PRDM16: variants seen among roughly 807,000 people sequenced by gnomAD.
The protein encoded by PRDM16 is histone-lysine N-methyltransferase PRDM16.
A neutral mutation model predicts 110.6 loss-of-function variants in PRDM16; 23 were observed. The observed-to-expected ratio is 0.21, with a 90% CI of 0.15 to 0.29. The LOEUF is 0.29. Among genes scored for constraint, PRDM16 ranks in the 10% least tolerant of loss-of-function variants. The pLI is 1.00. For missense variants in PRDM16, 1,615 were observed against 1,794.3 expected (o/e 0.90, Z 1.81); for synonymous variants, 799 against 781.8 (o/e 1.02, Z -0.37).
At chr1:3,356,441 G>C (rs138001429) in intron 3 of PRDM16, among the ~76,000 whole-genome samples, 7 of 152,228 alleles carry the variant, frequency 4.6e-5, no homozygotes, top group Admixed American at 6.5e-5. Flanking sequence ...AGACGGGAGT[G>C]GGGGAGGCAA....
intron 2 of PRDM16, among the ~76,000 whole-genome samples, chr1:3,204,025 C>A (rs1372714504): frequency 6.6e-6 from 1 of 152,148 alleles, no homozygotes; most frequent in Non-Finnish European, 1.5e-5. Context: ...GGGACCACAC[C>A]GGGATTAGGA....
At chr1:3,229,798 G>A (rs1386587344) in intron 2 of PRDM16, among the ~76,000 whole-genome samples, 1 of 152,200 alleles carries the variant, frequency 6.6e-6, no homozygotes, top group Non-Finnish European at 1.5e-5. Context: ...CAGCAGGCAG[G>A]AGCAGCCCCC....
chr1:3,429,105 G>A (rs1313543707), intron 14 of PRDM16, among the ~76,000 whole-genome samples: 1 of 151,952 alleles, frequency 6.6e-6, no homozygotes, highest in Non-Finnish European at 1.5e-5. Flanking sequence ...AGCGGGAGCT[G>A]GAGAGAGACC....
At chr1:3,158,222 A>T (rs912025502) in intron 1 of PRDM16, among the ~76,000 whole-genome samples, 1 of 152,122 alleles carries the variant, frequency 6.6e-6, no homozygotes, top group African/African-American at 2.4e-5. Flanking sequence ...CACGCTCTCC[A>T]TCAACAGACC....
rs1437325700 is a variant in PRDM16, at chr1:3,390,363, C to T, written c.573+5077C>T. Among the ~76,000 whole-genome samples, 2 of 152,142 alleles carry T rather than the reference C, an allele frequency of 1.3e-5. No individual in the cohort carries two copies. The highest frequency in any genetic ancestry group is 2.9e-5 in the Non-Finnish European group (2 of 68,022). On this transcript the variant is annotated intron_variant, in intron 4 of 16. Coordinates refer to ENST00000270722, the MANE Select transcript of PRDM16 (RefSeq NM_022114.4). This position sits in a 1 kb window ranked among gnomAD's most constrained non-coding sequence, Gnocchi z 5.0. The stretch of plus-strand genomic sequence containing the variant: ...GGGGTGCGGGCCCCCCAGCGTACCA[C>T]GGAACGGCTGTAGGGCTCTCAAACG...
rs1317896691 is a variant in PRDM16 at position 3,391,648 on chromosome 1, TTAA to T, written c.574-4839_574-4837del. Reference sequence around the variant, plus strand: ...CACCACACAATAATAAAACTTAGGCTTAATAAAAATGCTTCAGCTATGTGCAGG... The same window carrying T: ...CACCACACAATAATAAAACTTAGGCTTAAAAATGCTTCAGCTATGTGCAGG... On this transcript the variant is annotated intron_variant, in intron 4 of 16. Transcript: ENST00000270722. 2.0e-5 allele frequency among the ~76,000 whole-genome samples: 3 copies of T among 152,338 alleles called. No homozygotes were observed. In the East Asian group the frequency reaches 5.8e-4, roughly 29 times the overall value.
rs1414341965 is a variant in PRDM16, at chr1:3,250,051, T to A, written c.438+5914T>A. Among the ~76,000 whole-genome samples, 3 of 152,106 alleles carry A rather than the reference T, an allele frequency of 2.0e-5. No homozygotes were observed. In the East Asian group the frequency reaches 5.8e-4, roughly 29 times the overall value. ...CCAAGGCAGCGCTGGGCCGTGGCCCTGGGGACCCTCATCCGCCCCTGGGGA... is the reference window on the plus strand; with the variant it reads ...CCAAGGCAGCGCTGGGCCGTGGCCCAGGGGACCCTCATCCGCCCCTGGGGA... On this transcript the variant is annotated intron_variant, in intron 3 of 16. Transcript: ENST00000270722.
In PRDM16 at chr1:3,345,267, G is replaced by GT. The variant is rs1013675416; in HGVS notation, c.439-39877dup. Among the ~76,000 whole-genome samples the GT allele has an allele frequency of 5.3e-5, 8 of 152,052 alleles. No individual in the cohort carries two copies. The East Asian group carries it at 9.6e-4, about 18-fold the overall frequency. ...TTTTGTTATTCTCTAGTGCTATCAAGTTTTTTTTGTTTTAAATTATTTTTT... is the reference window on the plus strand; with the variant it reads ...TTTTGTTATTCTCTAGTGCTATCAAGTTTTTTTTTGTTTTAAATTATTTTTT... On this transcript the variant is annotated intron_variant, in intron 3 of 16. Coordinates refer to ENST00000270722, the MANE Select transcript of PRDM16 (RefSeq NM_022114.4).
rs141145570 is a variant in PRDM16, at chr1:3,298,410, C to T, written c.438+54273C>T. ...GCGCTGCAGGGCTGGGTGCCTCTGA[C>T]GGCCGACACCAGCCTGGGAAATGAG... On this transcript the variant is annotated intron_variant, in intron 3 of 16. Transcript: ENST00000270722. 7.9e-5 allele frequency among the ~76,000 whole-genome samples: 12 copies of T among 152,340 alleles called. No individual in the cohort carries two copies. In the East Asian group the frequency reaches 1.9e-3, roughly 24 times the overall value.
rs139011666 is a variant in PRDM16 at position 3,098,373 on chromosome 1, G to A, written c.37+29077G>A. Reference sequence around the variant, plus strand: ...CCCTCACTGCCCACTGGGGGGTTGCGGAGTGGCGAGCTGGCAAGGGGCTTA... The same window carrying A: ...CCCTCACTGCCCACTGGGGGGTTGCAGAGTGGCGAGCTGGCAAGGGGCTTA... On this transcript the variant is annotated intron_variant, in intron 1 of 16. Coordinates refer to ENST00000270722, the MANE Select transcript of PRDM16 (RefSeq NM_022114.4). Among the ~76,000 whole-genome samples, 915 of 152,278 alleles carry A rather than the reference G, an allele frequency of 6.0e-3. 2 individuals carry two copies. The highest frequency in any genetic ancestry group is 0.024 in the Middle Eastern group (7 of 294).
At chr1:3,357,555 C>CA (rs1642632213) in intron 3 of PRDM16, among the ~76,000 whole-genome samples, 2 of 139,164 alleles carry the variant, frequency 1.4e-5, no homozygotes, top group African/African-American at 6.8e-5. Context: ...CAGGAAGCGC[C>CA]GTTCCCCCCA....
At chr1:3,169,194 ATT>A (rs1643996109) in intron 1 of PRDM16, among the ~76,000 whole-genome samples, 3 of 152,150 alleles carry the variant, frequency 2.0e-5, no homozygotes, top group African/African-American at 7.2e-5. Context: ...TATTGTGTGG[ATT>A]TTCTACTGTT....
chr1:3,269,043 G>T (rs574175598), intron 3 of PRDM16, among the ~76,000 whole-genome samples: 1 of 152,370 alleles, frequency 6.6e-6, no homozygotes. Context: ...TTGGAGACAG[G>T]CGTCTCGGGC....
At chr1:3,121,991 G>A (rs1422844607) in intron 1 of PRDM16, among the ~76,000 whole-genome samples, 9 of 152,366 alleles carry the variant, frequency 5.9e-5, no homozygotes, top group South Asian at 4.1e-4. Context: ...AGGCGCGGGC[G>A]GTTGGTATCG....
rs574701130 is a variant in PRDM16, at chr1:3,254,272, C to T, written c.438+10135C>T. ...AAAACAAAAGGGATGCCCTCTCTCACCACTCCTATTCAACATAGTGTTGGA... is the reference window on the plus strand; with the variant it reads ...AAAACAAAAGGGATGCCCTCTCTCATCACTCCTATTCAACATAGTGTTGGA... On this transcript the variant is annotated intron_variant, in intron 3 of 16. Coordinates refer to ENST00000270722, the MANE Select transcript of PRDM16 (RefSeq NM_022114.4). Among the ~76,000 whole-genome samples, 5 of 152,302 alleles carry T rather than the reference C, an allele frequency of 3.3e-5. No homozygotes were observed. The South Asian group carries it at 6.2e-4, about 19-fold the overall frequency.
At position 3,205,699 on chromosome 1, in the gene PRDM16, C is replaced by G. The variant is rs113899766; in HGVS notation, c.387+19225C>G. ...TGGAATCTGGTTATGAGGGCGGGCT[C>G]GGTGGAGGTAAAGGGAAGGTGGTAT... is the stretch of plus-strand genomic sequence containing the variant. On this transcript the variant is annotated intron_variant, in intron 2 of 16. Transcript: ENST00000270722. Among the ~76,000 whole-genome samples, 923 of 152,094 alleles carry G rather than the reference C, an allele frequency of 6.1e-3. 6 individuals carry two copies. The highest frequency in any genetic ancestry group is 0.019 in the African/African-American group (796 of 41,488).
At chr1:3,146,616 GGT>G (rs1305853791) in intron 1 of PRDM16, among the ~76,000 whole-genome samples, 2 of 141,566 alleles carry the variant, frequency 1.4e-5, no homozygotes, top group African/African-American at 2.6e-5. Flanking sequence ...CAGTGTGGGG[GGT>G]GTGTGTGCAT....
chr1:3,400,390 T>G (rs1047520146), intron 5 of PRDM16, among the ~76,000 whole-genome samples: 1 of 152,126 alleles, frequency 6.6e-6, no homozygotes, highest in Non-Finnish European at 1.5e-5. Context: ...ATTTGCACAG[T>G]GGGCTCTCTC....
intron 3 of PRDM16, among the ~76,000 whole-genome samples, chr1:3,327,584 G>A (rs557057573): frequency 2.6e-5 from 4 of 152,352 alleles, no homozygotes; most frequent in South Asian, 4.1e-4. Flanking sequence ...CGTATCAGCC[G>A]CTGCACATGG....
Sources: gnomAD v4.1 joint callset for allele counts (sites outside exome capture counted in the v4.1 genomes callset) on GRCh38, gnomAD v4.1.1 for gene constraint, Gnocchi (gnomAD v3.1) non-coding constraint, MANE v1.5 for transcripts, NCBI Gene and HGNC (gene_info 2026-07-23, HGNC 2026-07-21) for gene names.